The following CHD6 variants were observed in gnomAD, a reference collection of about 807,000 sequenced individuals.
CHD6 encodes ATP-dependent chromatin remodeler CHD6.
In CHD6, 50 loss-of-function variants were observed where a neutral mutation model predicts 276.9. The observed-to-expected ratio is 0.18, with a 90% CI of 0.14 to 0.23. The LOEUF is 0.23. CHD6 is among the 10% of genes least tolerant of loss of function. CHD6 has a pLI of 1.00. For missense variants in CHD6, 2,564 were observed against 3,365.8 expected, an observed-to-expected ratio of 0.76 and a Z score of 5.89; for synonymous variants, 1,173 against 1,229.3, an observed-to-expected ratio of 0.95 and a Z score of 0.96.
At chr20:41,429,579 G>A (rs1023179282) in intron 27 of CHD6, among the ~76,000 whole-genome samples, 2 of 152,144 alleles carry the variant, frequency 1.3e-5, no homozygotes, top group African/African-American at 4.8e-5. Flanking sequence ...GGAACTAGAG[G>A]TATTTCACCT....
At chr20:41,412,112 T>C (rs755423469) in intron 36 of CHD6, 32 bp downstream of exon 36, 1 of 1,612,322 alleles carries the variant, frequency 6.2e-7, no homozygotes, top group East Asian at 2.2e-5. Context: ...ATGCTCCTCC[T>C]GGCCCCACAC....
Position 41,420,858 on chromosome 20 carries a change from A to G in CHD6, c.5777T>C (p.Leu1926Pro). 1 of 1,614,204 alleles carries G rather than the reference A, an allele frequency of 6.2e-7. No homozygotes were observed. The highest frequency in any genetic ancestry group is 1.3e-5 in the African/African-American group (1 of 75,056). The change falls in exon 31 of 37, where the codon CTA becomes CCA. Residue 1926 changes from leucine (L) to proline (P), a missense_variant. By Grantham distance (98) the Leu-to-Pro change is moderately conservative (BLOSUM62 -3). Around this residue, in one of 7 missense-constraint regions of CHD6, gnomAD observed 1,024 missense variants for 1,047.9 expected, o/e 0.98. Coordinates refer to ENST00000373233, the MANE Select transcript of CHD6 (RefSeq NM_032221.5). ...TGCTGGAGCGGGGAAAGCCCTCTGTAGCCCAGGAGTCTGGTTTGCCACCTC... is the reference window on the plus strand; with the variant it reads ...TGCTGGAGCGGGGAAAGCCCTCTGTGGCCCAGGAGTCTGGTTTGCCACCTC... ...SLEVANQTPG[L>P]QRAFPAPAAC...
In CHD6 at chr20:41,415,287, C is replaced by A. The variant is rs201144951; in HGVS notation, c.6838G>T (p.Asp2280Tyr). 15 of 1,614,238 alleles carry A rather than the reference C, an allele frequency of 9.3e-6. No individual in the cohort carries two copies. The highest frequency in any genetic ancestry group is 1.6e-4 in the Middle Eastern group (1 of 6,062). ...CTCCGCCTCCTCGTGGCTGCATCAT[C>A]TCTTCTGAGGCTTCCATTGACAATC... ...GQIVNGSLRR[D>Y]DAATRRRRGR... The change falls in exon 34 of 37, where the codon GAT becomes TAT. Residue 2280 changes from aspartate (D) to tyrosine (Y), a missense_variant. Asp to Tyr is a radical substitution (Grantham distance 160). Transcript: ENST00000373233.
chr20:41,546,636 C>G (rs2045048317), intron 2 of CHD6, among the ~76,000 whole-genome samples: 1 of 152,196 alleles, frequency 6.6e-6, no homozygotes, highest in Non-Finnish European at 1.5e-5. Context: ...TTGCAAAGAA[C>G]TATTTACAAC....
intron 1 of CHD6, among the ~76,000 whole-genome samples, chr20:41,585,392 C>T (rs1025370884): frequency 2.0e-5 from 3 of 151,368 alleles, no homozygotes; most frequent in African/African-American, 7.3e-5. Context: ...CCCAGCTACT[C>T]GGGAGGCTGA....
intron 1 of CHD6, among the ~76,000 whole-genome samples, chr20:41,601,580 G>A (rs2903379): frequency 0.38 from 57,143 of 152,042 alleles, 13,312 homozygotes; most frequent in African/African-American, 0.64. Flanking sequence ...CTGAAGCTAT[G>A]GTATAGCAGA....
rs376609301 is a variant in CHD6, at chr20:41,617,837, G to A, written c.-24+503C>T. On this transcript the variant is annotated intron_variant, in intron 1 of 36. Coordinates refer to ENST00000373233, the MANE Select transcript of CHD6 (RefSeq NM_032221.5). ...CCACCCTCCTCCACCCCTGCAAACA[G>A]ACGCAGGACGCGAATAGAGCAACTT... is the stretch of plus-strand genomic sequence containing the variant. Among the ~76,000 whole-genome samples, 8 of 151,468 alleles carry A rather than the reference G, an allele frequency of 5.3e-5. No individual in the cohort carries two copies. In the South Asian group the frequency reaches 1.2e-3, roughly 24 times the overall value.
At chr20:41,462,057 G>C (rs2048567012) in intron 17 of CHD6, 1 of 152,190 alleles carries the variant, frequency 6.6e-6, no homozygotes, top group Non-Finnish European at 1.5e-5. Flanking sequence ...CCCTAGAGGT[G>C]GTCCCTGCTA....
At chr20:41,423,464 T>C (rs765529858) in intron 30 of CHD6, 28 bp downstream of exon 30, 6 of 1,593,552 alleles carry the variant, frequency 3.8e-6, no homozygotes, top group Non-Finnish European at 5.2e-6. Context: ...CCTTGTATCA[T>C]CTGACAATAT....
At chr20:41,437,406 C>A in intron 26 of CHD6, 72 bp from the exon 27 acceptor site, 1 of 991,080 alleles carries the variant, frequency 1.0e-6, no homozygotes, top group South Asian at 1.5e-5. Flanking sequence ...TTACCCTGGT[C>A]AACCACAGTC....
rs2044215884 is a variant in CHD6 at position 41,514,958 on chromosome 20, A to C, written c.555-6T>G. The C allele has an allele frequency of 1.4e-5, 22 of 1,613,528 alleles. No individual in the cohort carries two copies. Among genetic ancestry groups the C allele is most frequent in the Non-Finnish European group, 1.8e-5 (21 of 1,179,810 alleles). ...GGGTTGGTCCTTGCTCCTTGCTACA[A>C]GGAGAAATTCAGAATTAAAACTGTT... On this transcript the variant is annotated splice_region_variant and splice_polypyrimidine_tract_variant and intron_variant, in intron 3 of 36. Coordinates refer to ENST00000373233, the MANE Select transcript of CHD6 (RefSeq NM_032221.5).
At chr20:41,511,456 C>A (rs376681684) in intron 5 of CHD6, among the ~76,000 whole-genome samples, 4 of 152,282 alleles carry the variant, frequency 2.6e-5, no homozygotes, top group South Asian at 2.1e-4. Context: ...CTTTCTAGTA[C>A]CTCTGTATTA....
At position 41,412,172 on chromosome 20, in the gene CHD6, G is replaced by C; in HGVS notation, c.7223C>G (p.Pro2408Arg). The change falls in exon 36 of 37, where the codon CCT becomes CGT. Residue 2408 changes from proline (P) to arginine (R), a missense_variant. Around this residue, in one of 7 missense-constraint regions of CHD6, gnomAD observed 1,024 missense variants for 1,047.9 expected, o/e 0.98. Coordinates refer to ENST00000373233, the MANE Select transcript of CHD6 (RefSeq NM_032221.5). ...VSSLSGEERVPAIPKEPGLRG... is the reference protein window; with the variant it reads ...VSSLSGEERVRAIPKEPGLRG... The stretch of plus-strand genomic sequence containing the variant: ...CAGTCCTGGCTCCTTGGGGATGGCA[G>C]GAACTCTCTCTTCCCCGCTCAGGGA... The C allele has an allele frequency of 6.2e-7, 1 of 1,614,200 alleles. No homozygotes were observed. The highest frequency in any genetic ancestry group is 8.5e-7 in the Non-Finnish European group (1 of 1,180,024).
intron 2 of CHD6, among the ~76,000 whole-genome samples, chr20:41,542,637 G>C (rs1342312991): frequency 6.6e-6 from 1 of 151,890 alleles, no homozygotes; most frequent in African/African-American, 2.4e-5. Context: ...AGCTTGCAGG[G>C]AGCCGAGATC....
intron 1 of CHD6, among the ~76,000 whole-genome samples, chr20:41,585,511 CAAAAAAAAAA>C (rs60920576): frequency 0.011 from 843 of 74,256 alleles, 5 homozygotes; most frequent in Non-Finnish European, 0.02. Flanking sequence ...TCCGTCTCAC[CAAAAAAAAAA>C]AAAAAAAAAA....
chr20:41,427,197 T>C (rs2047393099), intron 27 of CHD6, among the ~76,000 whole-genome samples: 1 of 151,262 alleles, frequency 6.6e-6, no homozygotes, highest in Non-Finnish European at 1.5e-5. Context: ...ATACACAACA[T>C]GGTAGACCAG....
intron 3 of CHD6, among the ~76,000 whole-genome samples, chr20:41,516,795 C>T (rs1176902162): frequency 6.6e-6 from 1 of 151,924 alleles, no homozygotes; most frequent in East Asian, 1.9e-4. Context: ...GAAAGCAGGT[C>T]CAGGAAAGAG....
intron 1 of CHD6, among the ~76,000 whole-genome samples, chr20:41,582,829 G>C (rs533508778): frequency 1.0e-3 from 154 of 152,254 alleles, no homozygotes; most frequent in African/African-American, 3.6e-3. Flanking sequence ...ATTTTTTTAA[G>C]TCATCAGAGA....
At chr20:41,481,120 A>AATAT (rs954195879) in intron 16 of CHD6, among the ~76,000 whole-genome samples, 15 of 150,112 alleles carry the variant, frequency 1.0e-4, no homozygotes, top group African/African-American at 3.4e-4. Context: ...AAGAAAAAAA[A>AATAT]ATATATATAT....
Sources: gnomAD v4.1 joint callset for allele counts (sites outside exome capture counted in the v4.1 genomes callset) on GRCh38, gnomAD v4.1.1 for gene constraint, gnomAD v4.1.1 regional missense constraint, MANE v1.5 for transcripts, NCBI Gene and HGNC (gene_info 2026-07-23, HGNC 2026-07-21) for gene names.